The following PHACTR2 variants were observed in gnomAD, a reference collection of about 807,000 sequenced individuals.
PHACTR2 encodes the protein chromosome 6 open reading frame 56.
In PHACTR2, 30 loss-of-function variants were observed where a neutral mutation model predicts 76.0. The ratio of observed to expected loss-of-function variants is 0.39; its 90% CI spans 0.30 to 0.54. The LOEUF (loss-of-function observed/expected upper bound fraction) is 0.54. Among genes scored for constraint, PHACTR2 ranks in the 20% least tolerant of loss-of-function variants. The pLI is 0.61. For synonymous variants in PHACTR2, 292 were observed against 292.5 expected, an observed-to-expected ratio of 1.00 and a Z score of 0.02; for missense variants, 696 against 781.1, an observed-to-expected ratio of 0.89 and a Z score of 1.30.
intron 12 of PHACTR2, among the ~76,000 whole-genome samples, chr6:143,812,700 A>G (rs1306565126): frequency 6.6e-6 from 1 of 152,104 alleles, no homozygotes; most frequent in Non-Finnish European, 1.5e-5. Context: ...AGTTGCTTAG[A>G]CCTTGCTGCT....
At chr6:143,773,944 G>T (rs1023178045) in intron 7 of PHACTR2, 115 bp from the exon 8 acceptor site, 3 of 727,224 alleles carry the variant, frequency 4.1e-6, no homozygotes, top group Non-Finnish European at 6.6e-6. Context: ...TTCTCCTCCT[G>T]CATGAGGAGA....
intron 1 of PHACTR2, among the ~76,000 whole-genome samples, chr6:143,642,045 C>T (rs1419334306): frequency 6.6e-6 from 1 of 152,112 alleles, no homozygotes; most frequent in African/African-American, 2.4e-5. Flanking sequence ...TACACTGTAG[C>T]GCCTCTTTAA....
rs1776372843 is a variant in PHACTR2 at position 143,819,778 on chromosome 6, T to C, written c.1923-3896T>C. ...ACCGACACTGAGGGAAGATCTTCCCTACCTAGTCCACTCAGACTCACAAGC... is the reference window on the plus strand; with the variant it reads ...ACCGACACTGAGGGAAGATCTTCCCCACCTAGTCCACTCAGACTCACAAGC... On this transcript the variant is annotated intron_variant, in intron 12 of 12. Transcript: ENST00000440869. This position sits in a 1 kb window ranked among gnomAD's most constrained non-coding sequence, Gnocchi z 5.0. 6.6e-6 allele frequency among the ~76,000 whole-genome samples: 1 copy of C among 152,140 alleles called. No individual in the cohort carries two copies. Among genetic ancestry groups the C allele is most frequent in the Non-Finnish European group, 1.5e-5 (1 of 68,026 alleles).
intron 1 of PHACTR2, among the ~76,000 whole-genome samples, chr6:143,694,254 G>A (rs1402949005): frequency 6.6e-6 from 1 of 151,232 alleles, no homozygotes; most frequent in Non-Finnish European, 1.5e-5. Context: ...GGAGGGAAAG[G>A]AAAGGAAGGA....
rs114412316 is a variant in PHACTR2 at position 143,654,439 on chromosome 6, A to T, written c.13+46117A>T. Among the ~76,000 whole-genome samples the T allele has an allele frequency of 6.6e-6, 1 of 152,168 alleles. No homozygotes were observed. Among genetic ancestry groups the T allele is most frequent in the Non-Finnish European group, 1.5e-5 (1 of 68,020 alleles). On this transcript the variant is annotated intron_variant, in intron 1 of 11. Transcript: ENST00000305766. The surrounding 1 kb of genome is among the most constrained non-coding windows in gnomAD (Gnocchi z 4.6). ...ACAGCCTAAAAGTGGAAACAACCCA[A>T]ATGTTCATCAAACTGATGAATTCGT...
rs767977101 is a variant in PHACTR2, at chr6:143,755,478, G to T, written c.454+1566G>T. On this transcript the variant is annotated intron_variant, in intron 4 of 12. Coordinates refer to ENST00000440869, the MANE Select transcript of PHACTR2 (RefSeq NM_001100164.2). This position sits in a 1 kb window ranked among gnomAD's most constrained non-coding sequence, Gnocchi z 5.2. ...GTTTCCCTTATCAACATAATAAAAAGTTCCTGACAGTTTTATATGAATTAA... is the reference window on the plus strand; with the variant it reads ...GTTTCCCTTATCAACATAATAAAAATTTCCTGACAGTTTTATATGAATTAA... 6.6e-5 allele frequency: 26 copies of T among 393,990 alleles called. No homozygotes were observed. Among genetic ancestry groups the T allele is most frequent in the Non-Finnish European group, 1.0e-4 (20 of 197,754 alleles). 24.4% of individuals were successfully genotyped at this position (393,990 alleles called of 1,614,324 possible).
Position 143,731,265 on chromosome 6 carries a change from G to C in PHACTR2, c.215-17720G>C, listed in dbSNP as rs549443082. On this transcript the variant is annotated intron_variant, in intron 2 of 12. Transcript: ENST00000440869. This position sits in a 1 kb window ranked among gnomAD's most constrained non-coding sequence, Gnocchi z 4.9. ...TTTGAACCAGTTTTTGCATCCTTAG[G>C]ATAAGTCCCACTGTGTTGTTTTGTT... Among the ~76,000 whole-genome samples the C allele has an allele frequency of 1.2e-4, 18 of 151,222 alleles. No homozygotes were observed. Among genetic ancestry groups the C allele is most frequent in the African/African-American group, 4.4e-4 (18 of 41,350 alleles).
intron 1 of PHACTR2, among the ~76,000 whole-genome samples, chr6:143,687,346 T>C (rs1280029395): frequency 6.6e-6 from 1 of 152,226 alleles, no homozygotes; most frequent in East Asian, 1.9e-4. Context: ...AGAATTGGTC[T>C]TACAATTAAG....
intron 5 of PHACTR2, among the ~76,000 whole-genome samples, chr6:143,763,910 A>G (rs1779495784): frequency 6.6e-6 from 1 of 152,224 alleles, no homozygotes; most frequent in Non-Finnish European, 1.5e-5. Context: ...TCATGAAGAG[A>G]AGGAGCATAA....
chr6:143,716,706 G>A (rs1226025433), intron 2 of PHACTR2, among the ~76,000 whole-genome samples: 3 of 152,192 alleles, frequency 2.0e-5, no homozygotes, highest in African/African-American at 7.2e-5. Flanking sequence ...CTTACCAAAG[G>A]ACTCAGGACA....
Position 143,760,654 on chromosome 6 carries a change from C to T in PHACTR2, c.694+14C>T, listed in dbSNP as rs1200310785. 6.2e-7 allele frequency: 1 copy of T among 1,613,434 alleles called. No individual in the cohort carries two copies. The highest frequency in any genetic ancestry group is 8.5e-7 in the Non-Finnish European group (1 of 1,179,658). Reference sequence around the variant, plus strand: ...CCCGAGAGGCTGGTGAGTATGCCCCCAGTGCCCTGTGGGGTCACTTCTAGG... The same window carrying T: ...CCCGAGAGGCTGGTGAGTATGCCCCTAGTGCCCTGTGGGGTCACTTCTAGG... On this transcript the variant is annotated intron_variant, in intron 5 of 12. Coordinates refer to ENST00000440869, the MANE Select transcript of PHACTR2 (RefSeq NM_001100164.2). This position sits in a 1 kb window ranked among gnomAD's most constrained non-coding sequence, Gnocchi z 6.4.
rs1049377932 is a variant in PHACTR2, at chr6:143,733,126, G to C, written c.215-15859G>C. Among the ~76,000 whole-genome samples, 6 of 152,058 alleles carry C rather than the reference G, an allele frequency of 3.9e-5. No homozygotes were observed. The highest frequency in any genetic ancestry group is 1.4e-4 in the African/African-American group (6 of 41,388). On this transcript the variant is annotated intron_variant, in intron 2 of 12. Coordinates refer to ENST00000440869, the MANE Select transcript of PHACTR2 (RefSeq NM_001100164.2). The surrounding 1 kb of genome is among the most constrained non-coding windows in gnomAD (Gnocchi z 4.0). ...GCTGCCCAGGCTGGGTGTCCAACTGGCTTCAAGTGATTGTCCTACCTTGAC... is the reference window on the plus strand; with the variant it reads ...GCTGCCCAGGCTGGGTGTCCAACTGCCTTCAAGTGATTGTCCTACCTTGAC...
At chr6:143,567,644 C>T (rs544260924) in intron 1 of PHACTR2, among the ~76,000 whole-genome samples, 14 of 152,326 alleles carry the variant, frequency 9.2e-5, no homozygotes, top group African/African-American at 3.4e-4. Context: ...GGTGATCCAC[C>T]TACCTCTGCC....
chr6:143,674,664 A>G (rs917143396), upstream of PHACTR2, among the ~76,000 whole-genome samples: 3 of 152,138 alleles, frequency 2.0e-5, no homozygotes, highest in Non-Finnish European at 4.4e-5. The surrounding 1 kb of genome is among the most constrained non-coding windows in gnomAD (Gnocchi z 4.9). Context: ...TGGTGTCTCA[A>G]AATGAATCCT....
At position 143,663,548 on chromosome 6, in the gene PHACTR2, T is replaced by G. The variant is rs9496722; in HGVS notation, c.14-48468T>G. Reference sequence around the variant, plus strand: ...CCCTGAATAGATCTTTTCTTTGTTTTTTTAAATAAATGCGATTAAAGCTTT... The same window carrying G: ...CCCTGAATAGATCTTTTCTTTGTTTGTTTAAATAAATGCGATTAAAGCTTT... On this transcript the variant is annotated intron_variant, in intron 1 of 11. Transcript: ENST00000305766. This position sits in a 1 kb window ranked among gnomAD's most constrained non-coding sequence, Gnocchi z 4.1. Among the ~76,000 whole-genome samples, 4,877 of 152,264 alleles carry G rather than the reference T, an allele frequency of 0.032. 254 individuals are homozygous for G. Among genetic ancestry groups the G allele is most frequent in the African/African-American group, 0.11 (4,452 of 41,536 alleles).
At chr6:143,685,516 A>T (rs1436690611) in intron 1 of PHACTR2, among the ~76,000 whole-genome samples, 1 of 152,112 alleles carries the variant, frequency 6.6e-6, no homozygotes, top group Non-Finnish European at 1.5e-5. Flanking sequence ...GCTTTACTTG[A>T]ATTAACTTTT....
At position 143,680,616 on chromosome 6, in the gene PHACTR2, A is replaced by T. The variant is rs556658261; in HGVS notation, c.46+2407A>T. The stretch of plus-strand genomic sequence containing the variant: ...AGACCATTAATAATTTTTTCTGAAA[A>T]TATGCAGTTAGATCCATTATTAAAA... On this transcript the variant is annotated intron_variant, in intron 1 of 12. Transcript: ENST00000440869. This position sits in a 1 kb window ranked among gnomAD's most constrained non-coding sequence, Gnocchi z 4.5. Among the ~76,000 whole-genome samples, 9 of 152,158 alleles carry T rather than the reference A, an allele frequency of 5.9e-5. No individual in the cohort carries two copies. The highest frequency in any genetic ancestry group is 1.2e-4 in the Non-Finnish European group (8 of 67,994).
At position 143,659,120 on chromosome 6, in the gene PHACTR2, A is replaced by T. The variant is rs1776903236; in HGVS notation, c.13+50798A>T. Reference sequence around the variant, plus strand: ...GGAGGTTGCCCTAGGTAAGTCTGTGAGTGAGTGATGGGTGAATGTGAAAGC... The same window carrying T: ...GGAGGTTGCCCTAGGTAAGTCTGTGTGTGAGTGATGGGTGAATGTGAAAGC... On this transcript the variant is annotated intron_variant, in intron 1 of 11. Coordinates refer to the PHACTR2 transcript ENST00000305766. This position sits in a 1 kb window ranked among gnomAD's most constrained non-coding sequence, Gnocchi z 5.0. 6.6e-6 allele frequency among the ~76,000 whole-genome samples: 1 copy of T among 152,022 alleles called. No individual in the cohort carries two copies. Among genetic ancestry groups the T allele is most frequent in the Non-Finnish European group, 1.5e-5 (1 of 68,000 alleles).
At chr6:143,573,047 A>G (rs72995603) in intron 1 of PHACTR2, among the ~76,000 whole-genome samples, 50,024 of 152,112 alleles carry the variant, frequency 0.33, 8,959 homozygotes, top group Non-Finnish European at 0.4. Context: ...CAAGACTAGT[A>G]CCTAATGTTC....
Sources: allele counts gnomAD v4.1 joint callset (sites outside exome capture counted in the v4.1 genomes callset), GRCh38; gene constraint gnomAD v4.1.1; non-coding constraint Gnocchi (gnomAD v3.1); transcripts MANE v1.5; gene names NCBI Gene and HGNC (gene_info 2026-07-23, HGNC 2026-07-21).